Variants in KCNH5 observed in about 807,000 individuals in gnomAD.
KCNH5 encodes potassium voltage-gated channel subfamily H member 5.
Under a neutral mutation model 96.1 loss-of-function variants are expected in KCNH5, and 46 were observed. The observed-to-expected ratio is 0.48, with a 90% CI of 0.38 to 0.61. The LOEUF (loss-of-function observed/expected upper bound fraction) is 0.61, where lower values mean the gene tolerates loss of function less well. Ranked by LOEUF, KCNH5 falls within the 20% of genes least tolerant of loss-of-function variation. The pLI, the probability that KCNH5 is intolerant of heterozygous loss-of-function variation, is 0.00. For missense variants in KCNH5, 907 were observed against 1,225.8 expected (o/e 0.74, Z 3.88); for synonymous variants, 439 against 449.8 (o/e 0.98, Z 0.30).
At chr14:62,849,938 A>T in intron 7 of KCNH5, 86 bp from the exon 8 acceptor site, 1 of 1,092,758 alleles carries the variant, frequency 9.2e-7, no homozygotes, top group East Asian at 2.6e-5. Flanking sequence ...ATAATTTGAC[A>T]GAGACATCCT....
In KCNH5 at chr14:62,849,707, G is replaced by GT; in HGVS notation, c.1514_1515insA (p.Met506HisfsTer15). 6.2e-7 allele frequency: 1 copy of GT among 1,613,850 alleles called. No homozygotes were observed. The highest frequency in any genetic ancestry group is 8.5e-7 in the Non-Finnish European group (1 of 1,179,842). ...ACCATGTTGAGACAATATAATCCAT[G>GT]ACTCGCTCACTAAGGCCTTTTGGGA... On this transcript the variant is annotated frameshift_variant, in exon 8 of 11. Coordinates refer to ENST00000322893, the MANE Select transcript of KCNH5 (RefSeq NM_139318.5). LOFTEE classifies it high-confidence loss of function.
chr14:62,867,711 C>T (rs563269537), intron 7 of KCNH5, among the ~76,000 whole-genome samples: 1 of 152,186 alleles, frequency 6.6e-6, no homozygotes, highest in Admixed American at 6.5e-5. Context: ...GCTGCACAAT[C>T]TTCATCTCCA....
At chr14:62,736,155 C>T (rs539408475) in intron 10 of KCNH5, among the ~76,000 whole-genome samples, 10 of 152,282 alleles carry the variant, frequency 6.6e-5, no homozygotes, top group South Asian at 2.1e-4. Flanking sequence ...CAAGACTTTT[C>T]ACTGGTCTCT....
At chr14:62,735,034 G>A (rs1359143708) in intron 10 of KCNH5, among the ~76,000 whole-genome samples, 2 of 152,062 alleles carry the variant, frequency 1.3e-5, no homozygotes, top group African/African-American at 2.4e-5. Context: ...CTTGGAGCAG[G>A]CAAGCCTAGA....
In KCNH5 at chr14:62,702,298, C is replaced by G. The variant is rs1340320642; in HGVS notation, c.*5210G>C. The G allele has an allele frequency of 6.6e-6, 1 of 152,022 alleles. No homozygotes were observed. The allele number at this position is 152,022 out of a possible 1,614,324, so 9.4% of individuals were successfully genotyped here. ...TTCAAACTCTGTCATTGACTCTGAC[C>G]TATCAAGAAAAACCAAACATTTACA... On this transcript the variant is annotated 3_prime_UTR_variant, in exon 11 of 11. Transcript: ENST00000322893.
At chr14:63,020,749 T>C (rs958115328) in intron 1 of KCNH5, among the ~76,000 whole-genome samples, 1 of 152,156 alleles carries the variant, frequency 6.6e-6, no homozygotes, top group African/African-American at 2.4e-5. Flanking sequence ...TCAAAATTCA[T>C]TGAACTGTGC....
chr14:62,719,595 C>T (rs1422142552), intron 10 of KCNH5, among the ~76,000 whole-genome samples: 3 of 152,204 alleles, frequency 2.0e-5, no homozygotes, highest in Non-Finnish European at 4.4e-5. Flanking sequence ...AAAAGATGTA[C>T]AGAATTTGGA....
At chr14:62,992,827 C>T (rs1890835730) in intron 4 of KCNH5, among the ~76,000 whole-genome samples, 1 of 151,956 alleles carries the variant, frequency 6.6e-6, no homozygotes. Context: ...AATTAAGTTC[C>T]ATATGTCTGT....
chr14:62,785,361 T>G (rs746801187), intron 9 of KCNH5, among the ~76,000 whole-genome samples: 37 of 152,324 alleles, frequency 2.4e-4, no homozygotes, highest in Admixed American at 1.6e-3. Context: ...CCAATATGCA[T>G]GGAATAGCTA....
At chr14:62,985,311 AAAGTCTTTTTGTTAGCC>A (rs1890684039) in intron 5 of KCNH5, among the ~76,000 whole-genome samples, 1 of 152,258 alleles carries the variant, frequency 6.6e-6, no homozygotes, top group Non-Finnish European at 1.5e-5. Flanking sequence ...CAGAAAACCA[AAAGTCTTTTTGTTAGCC>A]ATGGTCTAAG....
intron 7 of KCNH5, among the ~76,000 whole-genome samples, chr14:62,949,252 T>C (rs1263677548): frequency 1.3e-5 from 2 of 152,224 alleles, no homozygotes; most frequent in Non-Finnish European, 2.9e-5. Flanking sequence ...ATTGTATATC[T>C]AGAAAACCCC....
At chr14:62,914,480 T>C (rs1267046380) in intron 7 of KCNH5, among the ~76,000 whole-genome samples, 2 of 152,226 alleles carry the variant, frequency 1.3e-5, no homozygotes, top group Non-Finnish European at 2.9e-5. Flanking sequence ...GGGTGGAGTA[T>C]ACTGTGGTTT....
intron 6 of KCNH5, among the ~76,000 whole-genome samples, chr14:62,958,947 T>C (rs1170662518): frequency 1.6e-4 from 24 of 152,076 alleles, no homozygotes; most frequent in Admixed American, 1.2e-3. Flanking sequence ...ACCTTTCCCA[T>C]AGATATTTAA....
intron 10 of KCNH5, among the ~76,000 whole-genome samples, chr14:62,770,155 A>G (rs113272981): frequency 3.9e-5 from 6 of 152,294 alleles, no homozygotes; most frequent in African/African-American, 1.4e-4. Flanking sequence ...CTCCTAGACC[A>G]TTTCTTCGAA....
rs112362060 is a variant in KCNH5, at chr14:62,757,687, G to A, written c.2019+22041C>T. Among the ~76,000 whole-genome samples the A allele has an allele frequency of 5.5e-3, 827 of 151,540 alleles. 6 individuals are homozygous for A. The highest frequency in any genetic ancestry group is 0.019 in the African/African-American group (798 of 41,334). On this transcript the variant is annotated intron_variant, in intron 10 of 10. Transcript: ENST00000322893. ...ATAGAAGAGGAACTCATTATGTTAC[G>A]TGAAATAAGCCAGTCATAGAAAGAC...
At chr14:62,709,274 G>GAAAAAAAAAAAA in intron 10 of KCNH5, among the ~76,000 whole-genome samples, 1 of 147,978 alleles carries the variant, frequency 6.8e-6, no homozygotes, top group Non-Finnish European at 1.5e-5. Flanking sequence ...CCTCTGTTTG[G>GAAAAAAAAAAAA]GTATCAGATA....
At chr14:63,042,996 T>C (rs1891854705) in intron 1 of KCNH5, among the ~76,000 whole-genome samples, 1 of 152,144 alleles carries the variant, frequency 6.6e-6, no homozygotes. Context: ...CATTTTCACT[T>C]GGTATTGTCC....
At chr14:62,903,088 A>C (rs1308056652) in intron 7 of KCNH5, among the ~76,000 whole-genome samples, 1 of 152,224 alleles carries the variant, frequency 6.6e-6, no homozygotes, top group East Asian at 1.9e-4. Context: ...AATTATTTAA[A>C]AATCTGAAAA....
intron 10 of KCNH5, among the ~76,000 whole-genome samples, chr14:62,748,605 G>A (rs1489448931): frequency 6.6e-6 from 1 of 152,170 alleles, no homozygotes; most frequent in African/African-American, 2.4e-5. Context: ...GGTTGCAGAG[G>A]GATGAAGATC....
Sources: gnomAD v4.1 joint callset for allele counts (sites outside exome capture counted in the v4.1 genomes callset) on GRCh38, gnomAD v4.1.1 for gene constraint, MANE v1.5 for transcripts, NCBI Gene and HGNC (gene_info 2026-07-23, HGNC 2026-07-21) for gene names.